The following NAV3 variants were observed in gnomAD, a reference collection of about 807,000 sequenced individuals.
The protein encoded by NAV3 is neuron navigator 3.
In NAV3, 87 loss-of-function variants were observed where a neutral mutation model predicts 244.7. The ratio of observed to expected loss-of-function variants is 0.36; its 90% CI spans 0.30 to 0.42. The LOEUF (loss-of-function observed/expected upper bound fraction) is 0.42. Ranked by LOEUF, NAV3 falls within the 20% of genes least tolerant of loss-of-function variation. NAV3 has a pLI of 1.00. For synonymous variants in NAV3, 1,126 were observed against 1,042.2 expected (o/e 1.08, Z -1.55); for missense variants, 2,663 against 2,893.3 (o/e 0.92, Z 1.83).
chr12:77,626,267 AAG>A (rs934020075), intron 2 of NAV3, among the ~76,000 whole-genome samples: 12 of 152,082 alleles, frequency 7.9e-5, no homozygotes, highest in Non-Finnish European at 1.5e-4. Context: ...AAAAAGGTAA[AAG>A]AGTATGAAAA....
Position 77,614,167 on chromosome 12 carries a change from A to C in NAV3, c.72+41901A>C, listed in dbSNP as rs529101444. Among the ~76,000 whole-genome samples the C allele has an allele frequency of 1.1e-4, 15 of 136,480 alleles. No individual in the cohort carries two copies. The South Asian group carries it at 3.3e-3, about 30-fold the overall frequency. The allele number at this position is 136,480 out of a possible 152,430, so 89.5% of individuals were successfully genotyped here. On this transcript the variant is annotated intron_variant, in intron 2 of 8. Coordinates refer to the NAV3 transcript ENST00000550042. ...GGCGCTATTCAATGCCTTATGTGGG[A>C]TACTTACTCTTAGCAGCATCTCTGG...
At chr12:77,881,550 A>C (rs879450839) in intron 1 of NAV3, among the ~76,000 whole-genome samples, 8 of 152,156 alleles carry the variant, frequency 5.3e-5, no homozygotes, top group Non-Finnish European at 1.2e-4. Context: ...CACCACTCCT[A>C]TTCAGCATAT....
chr12:77,615,711 T>G (rs1223315529), intron 2 of NAV3, among the ~76,000 whole-genome samples: 2 of 152,174 alleles, frequency 1.3e-5, no homozygotes, highest in Non-Finnish European at 2.9e-5. Flanking sequence ...GTAGAATGAT[T>G]TATTTTCCTT....
At chr12:77,638,573 A>G (rs533547924) in intron 2 of NAV3, among the ~76,000 whole-genome samples, 2 of 152,376 alleles carry the variant, frequency 1.3e-5, no homozygotes, top group East Asian at 3.9e-4. Context: ...ACGAAGTGCA[A>G]TTCTCTCATC....
At chr12:77,828,052 C>T (rs117494249), upstream of NAV3, among the ~76,000 whole-genome samples, 8 of 152,214 alleles carry the variant, frequency 5.3e-5, no homozygotes, top group East Asian at 1.5e-3. Context: ...TTTTGCATCC[C>T]CTCCAAAAAC....
upstream of NAV3, among the ~76,000 whole-genome samples, chr12:77,827,257 A>T (rs1873104644): frequency 6.8e-6 from 1 of 146,680 alleles, no homozygotes; most frequent in Non-Finnish European, 1.5e-5. Flanking sequence ...AAAAAAAAAA[A>T]AAAAGTAATG....
At chr12:78,209,788 A>G (rs1960711933) in intron 39 of NAV3, among the ~76,000 whole-genome samples, 1 of 152,158 alleles carries the variant, frequency 6.6e-6, no homozygotes, top group Admixed American at 6.6e-5. Context: ...TATCAATCAT[A>G]TTTTAGCCAG....
rs111362963 is a variant in NAV3 at position 77,745,287 on chromosome 12, G to T, written c.72+173021G>T. Among the ~76,000 whole-genome samples the T allele has an allele frequency of 1.7e-3, 264 of 152,084 alleles. 1 individual carries two copies. The highest frequency in any genetic ancestry group is 6.2e-3 in the African/African-American group (256 of 41,518). On this transcript the variant is annotated intron_variant, in intron 2 of 8. Transcript: ENST00000550042. ...TTTTCTTTTGTCATCTTATATAGCA[G>T]TTTGGACCACTTAGCCAGGTGGCAT...
At chr12:78,108,670 C>T (rs1264006097) in intron 12 of NAV3, among the ~76,000 whole-genome samples, 1 of 152,000 alleles carries the variant, frequency 6.6e-6, no homozygotes, top group African/African-American at 2.4e-5. Flanking sequence ...GGAAACTATA[C>T]AAATACATGC....
chr12:77,812,377 T>C (rs987537223), intron 2 of NAV3, among the ~76,000 whole-genome samples: 4 of 152,152 alleles, frequency 2.6e-5, no homozygotes, highest in African/African-American at 9.7e-5. Context: ...TTAATCCCAA[T>C]GAAAAACTGA....
chr12:77,618,664 G>T (rs944216263), intron 2 of NAV3, among the ~76,000 whole-genome samples: 10 of 152,096 alleles, frequency 6.6e-5, no homozygotes, highest in Admixed American at 1.3e-4. Flanking sequence ...AGCTTGAATA[G>T]ATTCTACTTT....
chr12:77,940,281 T>A (rs776046403), intron 1 of NAV3, 38 bp from the exon 2 acceptor site: 7 of 1,447,754 alleles, frequency 4.8e-6, no homozygotes, highest in Non-Finnish European at 6.8e-6. Context: ...CTGTTTTCCC[T>A]CACCCCATCT....
At chr12:77,954,267 A>G (rs1416560624) in intron 3 of NAV3, among the ~76,000 whole-genome samples, 1 of 152,144 alleles carries the variant, frequency 6.6e-6, no homozygotes, top group Non-Finnish European at 1.5e-5. Context: ...CCATATATTT[A>G]TTGAGCCCCT....
chr12:78,031,804 G>T (rs965422212), intron 9 of NAV3, among the ~76,000 whole-genome samples: 1 of 151,238 alleles, frequency 6.6e-6, no homozygotes, highest in Non-Finnish European at 1.5e-5. Context: ...GTTAGTGGGT[G>T]CAGCGCACCA....
At chr12:78,092,214 G>T (rs300489) in intron 12 of NAV3, among the ~76,000 whole-genome samples, 4 of 151,814 alleles carry the variant, frequency 2.6e-5, no homozygotes, top group Non-Finnish European at 5.9e-5. Flanking sequence ...GGGGAAATGC[G>T]TGCGAAGAAA....
At position 78,007,540 on chromosome 12, in the gene NAV3, G is replaced by C. The variant is rs200700805; in HGVS notation, c.1907+95G>C. On this transcript the variant is annotated intron_variant, in intron 8 of 39. Coordinates refer to ENST00000397909, the MANE Select transcript of NAV3 (RefSeq NM_001024383.2). ...GAAGGCTGATAAAGTGGTGCTTTAT[G>C]TCGTCATTTTGGAGTAAAGTTTCAT... 8.3e-6 allele frequency: 11 copies of C among 1,323,582 alleles called. No individual in the cohort carries two copies. In the East Asian group the frequency reaches 2.4e-4, roughly 29 times the overall value. 82.0% of individuals were successfully genotyped at this position (1,323,582 alleles called of 1,614,324 possible).
chr12:77,917,708 G>C (rs1469624747), intron 1 of NAV3, among the ~76,000 whole-genome samples: 2 of 152,038 alleles, frequency 1.3e-5, no homozygotes, highest in Non-Finnish European at 2.9e-5. Flanking sequence ...AGCAGAGAAA[G>C]GCCAGAGTGT....
intron 2 of NAV3, among the ~76,000 whole-genome samples, chr12:77,574,381 G>A (rs2172107): frequency 0.49 from 74,920 of 151,942 alleles, 19,039 homozygotes; most frequent in Middle Eastern, 0.65. Context: ...ATGAGTCACA[G>A]TGAGTTTAAA....
chr12:78,136,797 T>C (rs551989105), intron 18 of NAV3, among the ~76,000 whole-genome samples: 34 of 152,308 alleles, frequency 2.2e-4, no homozygotes, highest in African/African-American at 7.9e-4. Context: ...TTCTTTTTGA[T>C]TTTGCTTTTT....
Sources: gnomAD v4.1 joint callset for allele counts (sites outside exome capture counted in the v4.1 genomes callset) on GRCh38, gnomAD v4.1.1 for gene constraint, MANE v1.5 for transcripts, NCBI Gene and HGNC (gene_info 2026-07-23, HGNC 2026-07-21) for gene names.